ITPRID1: variants seen among roughly 807,000 people sequenced by gnomAD.
ITPRID1 encodes the protein protein ITPRID1.
Under a neutral mutation model 95.4 loss-of-function variants are expected in ITPRID1, and 96 were observed. The ratio of observed to expected loss-of-function variants is 1.01; its 90% CI spans 0.85 to 1.19. The LOEUF (loss-of-function observed/expected upper bound fraction) is 1.19. Among genes scored for constraint, ITPRID1 ranks in the 50% most tolerant of loss-of-function variants. ITPRID1 has a pLI of 0.00. For missense variants in ITPRID1, 1,339 were observed against 1,252.9 expected (o/e 1.07, Z -1.04); for synonymous variants, 510 against 453.6 (o/e 1.12, Z -1.58).
At chr7:31,568,649 G>T (rs1405078958) in intron 5 of ITPRID1, among the ~76,000 whole-genome samples, 1 of 152,040 alleles carries the variant, frequency 6.6e-6, no homozygotes, top group African/African-American at 2.4e-5. Context: ...TCTTGCAATG[G>T]CCCCTGAATA....
chr7:31,560,774 T>C (rs996195569), intron 5 of ITPRID1, among the ~76,000 whole-genome samples: 2 of 152,288 alleles, frequency 1.3e-5, no homozygotes, highest in Non-Finnish European at 2.9e-5. Flanking sequence ...GTGATTCAAA[T>C]TTTAATAAAT....
At chr7:31,614,639 T>C (rs1329158208) in intron 10 of ITPRID1, among the ~76,000 whole-genome samples, 3 of 152,194 alleles carry the variant, frequency 2.0e-5, no homozygotes, top group Admixed American at 2.0e-4. Flanking sequence ...AATTAATTGA[T>C]TAACTGAGAT....
At chr7:31,622,791 AC>A (rs1239519337) in intron 10 of ITPRID1, among the ~76,000 whole-genome samples, 4 of 152,082 alleles carry the variant, frequency 2.6e-5, no homozygotes, top group Admixed American at 2.6e-4. Context: ...GACACAAAAA[AC>A]CCTTCAAAAA....
intron 1 of ITPRID1, among the ~76,000 whole-genome samples, chr7:31,539,977 G>A (rs1583473883): frequency 6.6e-6 from 1 of 152,302 alleles, no homozygotes; most frequent in East Asian, 1.9e-4. Context: ...TTAGCCATTA[G>A]GCTGATGCCC....
chr7:31,622,348 T>G (rs1431094749), intron 10 of ITPRID1, among the ~76,000 whole-genome samples: 1 of 152,102 alleles, frequency 6.6e-6, no homozygotes, highest in African/African-American at 2.4e-5. Flanking sequence ...ATTGACCAGA[T>G]AGTTGGAAGT....
At chr7:31,522,440 A>G (rs758384721) in intron 1 of ITPRID1, among the ~76,000 whole-genome samples, 19 of 152,210 alleles carry the variant, frequency 1.2e-4, no homozygotes, top group Non-Finnish European at 2.1e-4. Flanking sequence ...CCAAAACATA[A>G]TAGATGCTCG....
In ITPRID1 at chr7:31,578,276, C is replaced by T. The variant is rs772033986; in HGVS notation, c.1012C>T (p.Pro338Ser). Reference protein sequence around the residue: ...PPHGLLSKQWPCSSMPAKQAP... With the variant: ...PPHGLLSKQWSCSSMPAKQAP... ...TCATGGTCTTCTGAGCAAGCAGTGG[C>T]CTTGCTCATCTATGCCGGCCAAGCA... The change falls in exon 9 of 15, where the codon CCT becomes TCT. Residue 338 changes from proline (P) to serine (S), a missense_variant. Physicochemically the swap from Pro to Ser is moderately conservative, Grantham distance 74. Transcript: ENST00000615280. 1.9e-6 allele frequency: 3 copies of T among 1,613,892 alleles called. No individual in the cohort carries two copies. The highest frequency in any genetic ancestry group is 4.5e-5 in the East Asian group (2 of 44,878).
At chr7:31,633,772 T>C (rs1789229394) in intron 10 of ITPRID1, among the ~76,000 whole-genome samples, 1 of 152,216 alleles carries the variant, frequency 6.6e-6, no homozygotes, top group Admixed American at 6.5e-5. Flanking sequence ...AACTTGACCA[T>C]AAAATAGTTA....
At chr7:31,652,359 G>A (rs1406366831) in intron 14 of ITPRID1, among the ~76,000 whole-genome samples, 159 bp from the exon 15 acceptor site, 1 of 152,086 alleles carries the variant, frequency 6.6e-6, no homozygotes, top group Admixed American at 6.6e-5. Flanking sequence ...CATCTTTGTA[G>A]CCAATATAAG....
At chr7:31,648,685 C>T (rs894272183) in intron 12 of ITPRID1, among the ~76,000 whole-genome samples, 5 of 152,146 alleles carry the variant, frequency 3.3e-5, no homozygotes, top group African/African-American at 9.7e-5. Context: ...ATGATCCTGG[C>T]GTCACTGTCC....
chr7:31,567,610 C>T (rs1399420096), intron 5 of ITPRID1, among the ~76,000 whole-genome samples: 1 of 143,838 alleles, frequency 7.0e-6, no homozygotes, highest in Non-Finnish European at 1.5e-5. Flanking sequence ...GAAACGGAGT[C>T]TTGCTCTGTC....
At chr7:31,651,767 GTTTTT>G (rs138035443) in intron 13 of ITPRID1, among the ~76,000 whole-genome samples, 167 bp from the exon 14 acceptor site, 1 of 147,762 alleles carries the variant, frequency 6.8e-6, no homozygotes, top group Non-Finnish European at 1.5e-5. Flanking sequence ...CAATAAAGTT[GTTTTT>G]TTTTTTTAAA....
At chr7:31,610,238 G>T (rs1786806745) in intron 10 of ITPRID1, among the ~76,000 whole-genome samples, 1 of 151,570 alleles carries the variant, frequency 6.6e-6, no homozygotes, top group Admixed American at 6.6e-5. Context: ...GTTGAGAAAT[G>T]TAAGTATTCT....
Position 31,583,118 on chromosome 7 carries a change from C to T in ITPRID1, c.1171-16C>T. 1.3e-6 allele frequency: 2 copies of T among 1,587,050 alleles called. No homozygotes were observed. The highest frequency in any genetic ancestry group is 1.7e-6 in the Non-Finnish European group (2 of 1,158,284). ...GACAAAATTTCTAATGACATTGATG[C>T]ATTTTGATATCTTAGGTCCAAAGCT... On this transcript the variant is annotated splice_polypyrimidine_tract_variant and intron_variant, in intron 9 of 14. Coordinates refer to ENST00000615280, the MANE Select transcript of ITPRID1 (RefSeq NM_001257967.3).
rs1218427600 is a variant in ITPRID1, at chr7:31,655,588, G to C, written c.*2759G>C. Among the ~76,000 whole-genome samples, 1 of 152,132 alleles carries C rather than the reference G, an allele frequency of 6.6e-6. No individual in the cohort carries two copies. Among genetic ancestry groups the C allele is most frequent in the Admixed American group, 6.6e-5 (1 of 15,262 alleles). On this transcript the variant is annotated 3_prime_UTR_variant, in exon 15 of 15. Coordinates refer to ENST00000615280, the MANE Select transcript of ITPRID1 (RefSeq NM_001257967.3). ...TACTTCCCAGAGCAGCCTTCCACCAGAAATAAAAGTCCAGGCCCTGGAGTT... is the reference window on the plus strand; with the variant it reads ...TACTTCCCAGAGCAGCCTTCCACCACAAATAAAAGTCCAGGCCCTGGAGTT...
intron 1 of ITPRID1, among the ~76,000 whole-genome samples, chr7:31,549,161 A>G (rs1182829596): frequency 6.6e-6 from 1 of 152,132 alleles, no homozygotes; most frequent in East Asian, 1.9e-4. Flanking sequence ...CTGGAGCTAC[A>G]GGCTCTAATT....
chr7:31,529,892 T>G, intron 1 of ITPRID1: 1 of 1,226,262 alleles, frequency 8.2e-7, no homozygotes, highest in Admixed American at 2.0e-5. Context: ...ATTAGCTGTC[T>G]GCTCTCATTT....
intron 5 of ITPRID1, among the ~76,000 whole-genome samples, chr7:31,566,758 A>T (rs1374336782): frequency 1.3e-5 from 2 of 152,192 alleles, no homozygotes; most frequent in Admixed American, 6.5e-5. Flanking sequence ...GCTTTCTCTC[A>T]TCTGACAACT....
intron 5 of ITPRID1, among the ~76,000 whole-genome samples, chr7:31,557,982 CT>C (rs1169055574): frequency 6.6e-6 from 1 of 152,148 alleles, no homozygotes; most frequent in African/African-American, 2.4e-5. Flanking sequence ...AAAAGTGGGA[CT>C]TTTGATAGGT....
Sources: gnomAD v4.1 joint callset for allele counts (sites outside exome capture counted in the v4.1 genomes callset) on GRCh38, gnomAD v4.1.1 for gene constraint, MANE v1.5 for transcripts, NCBI Gene and HGNC (gene_info 2026-07-23, HGNC 2026-07-21) for gene names.